The following ADAT1 variants were observed in gnomAD, a reference collection of about 807,000 sequenced individuals.
ADAT1 encodes the protein adenosine deaminase tRNA specific 1, also known as tRNA-specific adenosine deaminase 1.
Under a neutral mutation model 58.6 loss-of-function variants are expected in ADAT1, and 58 were observed. The observed-to-expected ratio is 0.99, with a 90% CI of 0.80 to 1.23. ADAT1 has a LOEUF of 1.23. Among genes scored for constraint, ADAT1 ranks in the 50% most tolerant of loss-of-function variants. The pLI is 0.00. For missense variants in ADAT1, 741 were observed against 608.6 expected (o/e 1.22, Z -2.29); for synonymous variants, 254 against 220.8 (o/e 1.15, Z -1.33).
Position 75,619,804 on chromosome 16 carries a change from G to T in ADAT1, c.238+462C>A, listed in dbSNP as rs562236861. 3 of 338,560 alleles carry T rather than the reference G, an allele frequency of 8.9e-6. No individual in the cohort carries two copies. In the East Asian group the frequency reaches 2.5e-4, roughly 28 times the overall value. The allele number at this position is 338,560 out of a possible 1,614,324, so 21.0% of individuals were successfully genotyped here. On this transcript the variant is annotated intron_variant, in intron 3 of 9. Transcript: ENST00000564657. Reference sequence around the variant, plus strand: ...GGGTGCCTGCTGAGGCAGGAGAATCGCTTAAACCCAGGAAGGGGAGGTTGC... The same window carrying T: ...GGGTGCCTGCTGAGGCAGGAGAATCTCTTAAACCCAGGAAGGGGAGGTTGC...
chr16:75,601,804 T>C (rs1326688114), intron 9 of ADAT1: 1 of 152,226 alleles, frequency 6.6e-6, no homozygotes, highest in Non-Finnish European at 1.5e-5. Flanking sequence ...ATAGAATATA[T>C]GGAAACCCAA....
chr16:75,615,941 C>T (rs2081700627), intron 5 of ADAT1, among the ~76,000 whole-genome samples: 1 of 152,016 alleles, frequency 6.6e-6, no homozygotes, highest in Non-Finnish European at 1.5e-5. Context: ...TGCTGCCTAC[C>T]TGTCATTTTT....
chr16:75,612,865 C>T lies in ADAT1; in HGVS notation c.425-4G>A. Reference sequence around the variant, plus strand: ...GGAATGATGGAGGCATCCCCACCTGCAGAGAATGAACCCACTTAAACAAAT... The same window carrying T: ...GGAATGATGGAGGCATCCCCACCTGTAGAGAATGAACCCACTTAAACAAAT... On this transcript the variant is annotated splice_region_variant and splice_polypyrimidine_tract_variant and intron_variant, in intron 5 of 9. Transcript: ENST00000564657. 6.2e-7 allele frequency: 1 copy of T among 1,612,260 alleles called. No individual in the cohort carries two copies. Among genetic ancestry groups the T allele is most frequent in the Non-Finnish European group, 8.5e-7 (1 of 1,179,170 alleles).
chr16:75,612,531 T>C lies in ADAT1; in HGVS notation c.755A>G (p.Lys252Arg), dbSNP rs199606040. 2.6e-5 allele frequency: 42 copies of C among 1,614,048 alleles called. No individual in the cohort carries two copies. In the African/African-American group the frequency reaches 4.1e-4, roughly 16 times the overall value. ...TVTRIAPGSA[K>R]VIDVYRTGAK... ...TCCAGTTCTATAAACGTCTATCACTTTGGCACTACCAGGGGCTATTCTGGT... is the reference window on the plus strand; with the variant it reads ...TCCAGTTCTATAAACGTCTATCACTCTGGCACTACCAGGGGCTATTCTGGT... Residue 252 changes from lysine (K) to arginine (R), a missense_variant, in exon 6 of 10, where the codon AAA becomes AGA. Transcript: ENST00000564657.
At chr16:75,608,485 G>T in intron 7 of ADAT1, 162 bp from the exon 8 acceptor site, 1 of 615,420 alleles carries the variant, frequency 1.6e-6, no homozygotes. Flanking sequence ...GGGTACAGTA[G>T]TCTAAGTGGT....
chr16:75,620,896 G>A (rs1443199690), intron 1 of ADAT1, 76 bp from the exon 2 acceptor site: 2 of 1,282,640 alleles, frequency 1.6e-6, no homozygotes, highest in South Asian at 1.6e-5. Flanking sequence ...TCATATCCAT[G>A]CTTCGAGTCT....
At chr16:75,603,037 A>T (rs1290111522) in intron 9 of ADAT1, 48 bp downstream of exon 9, 7 of 1,561,308 alleles carry the variant, frequency 4.5e-6, no homozygotes, top group Non-Finnish European at 6.2e-6. Flanking sequence ...GCCAGAATCA[A>T]AACAGTTGTC....
intron 7 of ADAT1, 193 bp from the exon 8 acceptor site, chr16:75,608,516 G>C: frequency 1.7e-6 from 1 of 585,186 alleles, no homozygotes; most frequent in Non-Finnish European, 3.0e-6. Context: ...TTATTATTAT[G>C]ATAGCTAACA....
chr16:75,618,506 C>CG, intron 4 of ADAT1, 80 bp downstream of exon 4: 1 of 989,490 alleles, frequency 1.0e-6, no homozygotes, highest in Non-Finnish European at 1.5e-6. Context: ...ACTCTGTCCC[C>CG]CCCAAAAAAA....
At chr16:75,616,796 G>A (rs918940222) in intron 5 of ADAT1, among the ~76,000 whole-genome samples, 9 of 152,182 alleles carry the variant, frequency 5.9e-5, no homozygotes, top group South Asian at 2.1e-4. Flanking sequence ...CTAAATGAAC[G>A]AAATGAGTTT....
intron 9 of ADAT1, 106 bp downstream of exon 9, chr16:75,602,979 C>A: frequency 1.0e-6 from 1 of 965,520 alleles, no homozygotes; most frequent in East Asian, 2.4e-5. Flanking sequence ...ATAAGTGCCA[C>A]TGGCTTGCTG....
chr16:75,605,845 G>A (rs564095855), intron 8 of ADAT1, among the ~76,000 whole-genome samples: 1 of 149,898 alleles, frequency 6.7e-6, no homozygotes, highest in Non-Finnish European at 1.5e-5. Context: ...GCTGAGGCAG[G>A]AGAACTGCTT....
chr16:75,614,051 G>A (rs941045640), intron 5 of ADAT1, among the ~76,000 whole-genome samples: 1 of 152,082 alleles, frequency 6.6e-6, no homozygotes, highest in African/African-American at 2.4e-5. Context: ...TTAGCCGGGT[G>A]TGGTGGCGCG....
chr16:75,607,984 C>G (rs1163906268), intron 8 of ADAT1, among the ~76,000 whole-genome samples: 2 of 152,130 alleles, frequency 1.3e-5, no homozygotes, highest in Admixed American at 6.5e-5. Context: ...AAGCCAGATA[C>G]AAAAGGTCAT....
chr16:75,609,432 T>C (rs2081459507), intron 6 of ADAT1, among the ~76,000 whole-genome samples: 1 of 151,988 alleles, frequency 6.6e-6, no homozygotes, highest in Non-Finnish European at 1.5e-5. Context: ...ATGAAGCAGA[T>C]AGCAACTGCA....
intron 4 of ADAT1, among the ~76,000 whole-genome samples, 155 bp from the exon 5 acceptor site, chr16:75,617,427 G>C (rs1460390238): frequency 6.6e-6 from 1 of 152,164 alleles, no homozygotes; most frequent in Non-Finnish European, 1.5e-5. Flanking sequence ...GATTCTCAAA[G>C]TGTGGTCCCT....
intron 4 of ADAT1, 25 bp from the exon 5 acceptor site, chr16:75,617,297 G>A: frequency 6.2e-7 from 1 of 1,604,418 alleles, no homozygotes; most frequent in Non-Finnish European, 8.5e-7. Flanking sequence ...ATGTTATTAG[G>A]ATGAACAACC....
At position 75,612,765 on chromosome 16, in the gene ADAT1, C is replaced by T. The variant is rs192166601; in HGVS notation, c.521G>A (p.Ser174Asn). Residue 174 changes from serine to asparagine, a missense_variant, in exon 6 of 10, where the codon AGT becomes AAT. Physicochemically the swap from Ser to Asn is conservative, Grantham distance 46. Coordinates refer to ENST00000564657, the MANE Select transcript of ADAT1 (RefSeq NM_001324445.2). Reference protein sequence around the residue: ...NWAHNSSVEASSNLEAPGNER... With the variant: ...NWAHNSSVEANSNLEAPGNER... The stretch of plus-strand genomic sequence containing the variant: ...ATTTCCAGGAGCTTCCAGGTTACTA[C>T]TGGCTTCTACTGATGAGTTGTGGGC... The T allele has an allele frequency of 1.9e-6, 3 of 1,614,138 alleles. No homozygotes were observed. Among genetic ancestry groups the T allele is most frequent in the East Asian group, 2.2e-5 (1 of 44,884 alleles).
In ADAT1 at chr16:75,618,580, C is replaced by T; in HGVS notation, c.293+6G>A. ...GCTGAACCATACTCTGGAGATGTGG[C>T]TTTACCTTTGGAAACTCCTTCTGGC... On this transcript the variant is annotated splice_donor_region_variant and intron_variant, in intron 4 of 9. Transcript: ENST00000564657. 6.3e-7 allele frequency: 1 copy of T among 1,595,520 alleles called. No homozygotes were observed. Among genetic ancestry groups the T allele is most frequent in the Non-Finnish European group, 8.5e-7 (1 of 1,171,424 alleles).
Sources: gnomAD v4.1 joint callset for allele counts (sites outside exome capture counted in the v4.1 genomes callset) on GRCh38, gnomAD v4.1.1 for gene constraint, MANE v1.5 for transcripts, NCBI Gene and HGNC (gene_info 2026-07-23, HGNC 2026-07-21) for gene names.